The following ATP6V1C2 variants were observed in gnomAD, a reference collection of about 807,000 sequenced individuals.
ATP6V1C2 encodes V-type proton ATPase subunit C 2.
Under a neutral mutation model 56.8 loss-of-function variants are expected in ATP6V1C2, and 45 were observed. That is an observed-to-expected ratio of 0.79 (90% CI 0.62 to 1.02). The LOEUF (loss-of-function observed/expected upper bound fraction) is 1.02. Among genes scored for constraint, ATP6V1C2 ranks in the 50% least tolerant of loss-of-function variants. ATP6V1C2 has a pLI of 0.00. For missense variants in ATP6V1C2, 463 were observed against 519.7 expected (o/e 0.89, Z 1.06); for synonymous variants, 220 against 201.3 (o/e 1.09, Z -0.79).
chr2:10,753,686 A>G (rs1036629271), intron 3 of ATP6V1C2, among the ~76,000 whole-genome samples: 5 of 151,880 alleles, frequency 3.3e-5, no homozygotes, highest in East Asian at 1.9e-4. Context: ...GCCCACCACC[A>G]TGCCTGGCTA....
chr2:10,722,286 C>T lies in ATP6V1C2; in HGVS notation c.-26-538C>T, dbSNP rs569041860. ...GTGGAAAAAAGACTTTAGTAGTTCC[C>T]CTCACCCCCTACTACTTTTTTTTTT... is the stretch of plus-strand genomic sequence containing the variant. On this transcript the variant is annotated intron_variant, in intron 1 of 13. Coordinates refer to ENST00000272238, the MANE Select transcript of ATP6V1C2 (RefSeq NM_001039362.2). 1.6e-4 allele frequency among the ~76,000 whole-genome samples: 25 copies of T among 152,236 alleles called. 1 individual carries two copies. The South Asian group carries it at 5.2e-3, about 32-fold the overall frequency.
intron 3 of ATP6V1C2, among the ~76,000 whole-genome samples, chr2:10,736,604 G>A (rs1304279749): frequency 3.3e-5 from 5 of 151,792 alleles, no homozygotes; most frequent in African/African-American, 7.3e-5. Flanking sequence ...TTTAACTTCT[G>A]CATTTATCAT....
intron 4 of ATP6V1C2, among the ~76,000 whole-genome samples, chr2:10,756,894 C>T (rs1663580052): frequency 6.6e-6 from 1 of 151,098 alleles, no homozygotes; most frequent in South Asian, 2.1e-4. Context: ...GTATCCCTGT[C>T]ATGAAGCAAC....
chr2:10,745,022 C>G (rs2148442657), intron 3 of ATP6V1C2, among the ~76,000 whole-genome samples: 1 of 147,266 alleles, frequency 6.8e-6, no homozygotes, highest in Non-Finnish European at 1.5e-5. Flanking sequence ...TCATTTATTA[C>G]CATTTGTTTA....
chr2:10,729,168 A>G (rs987051266), intron 3 of ATP6V1C2, among the ~76,000 whole-genome samples: 4 of 139,044 alleles, frequency 2.9e-5, no homozygotes, highest in African/African-American at 1.2e-4. Context: ...TAATCATTGG[A>G]AAACTTTTTT....
Position 10,777,611 on chromosome 2 carries a change from G to T in ATP6V1C2, c.852G>T (p.Lys284Asn). 1 of 1,613,904 alleles carries T rather than the reference G, an allele frequency of 6.2e-7. No individual in the cohort carries two copies. Among genetic ancestry groups the T allele is most frequent in the Non-Finnish European group, 8.5e-7 (1 of 1,179,960 alleles). The change falls in exon 11 of 14, where the codon AAG (lysine) becomes AAT (asparagine). Residue 284 changes from lysine (K) to asparagine (N), a missense_variant. By Grantham distance (94) the Lys-to-Asn change is moderately conservative. Transcript: ENST00000272238. ...QYQTSCVALK[K>N]GSSTFPDHKV... ...AAACTTCCTGTGTTGCTCTTAAAAA[G>T]GGATCATCCACCTTCCCGGACCACA... is the stretch of plus-strand genomic sequence containing the variant.
In ATP6V1C2 at chr2:10,783,540, G is replaced by A. The variant is rs1060011; in HGVS notation, c.*277G>A. ...TTGGTAACCTGCTGCTGTATTTCAT[G>A]TCTTAACGGCTATTTTGAGGTTCAT... On this transcript the variant is annotated 3_prime_UTR_variant, in exon 14 of 14. Transcript: ENST00000272238. 0.024 allele frequency: 7,525 copies of A among 318,702 alleles called. 153 individuals carry two copies. Among genetic ancestry groups the A allele is most frequent in the African/African-American group, 0.058 (2,673 of 45,834 alleles). 19.7% of individuals were successfully genotyped at this position (318,702 alleles called of 1,614,324 possible). A position where few individuals can be genotyped will look rare whatever the true frequency, so the allele number is the denominator to read the frequency against.
rs542499630 is a variant in ATP6V1C2 at position 10,739,217 on chromosome 2, A to T, written c.197+12648A>T. 5.1e-3 allele frequency among the ~76,000 whole-genome samples: 775 copies of T among 152,220 alleles called. 7 individuals are homozygous for T. The highest frequency in any genetic ancestry group is 0.017 in the African/African-American group (700 of 41,516). ...AGAATCGCTTGAACCCGGGAGACGG[A>T]GGTTGCGGTGAGCCGAGATCTCGCC... On this transcript the variant is annotated intron_variant, in intron 3 of 13. Transcript: ENST00000272238.
intron 4 of ATP6V1C2, among the ~76,000 whole-genome samples, chr2:10,758,629 A>G (rs1248460340): frequency 6.6e-6 from 1 of 151,602 alleles, no homozygotes; most frequent in Non-Finnish European, 1.5e-5. Flanking sequence ...AAAACACAGC[A>G]TGTGCTATAA....
chr2:10,757,361 A>G lies in ATP6V1C2; in HGVS notation c.283+3295A>G, dbSNP rs192608147. 149 of 398,124 alleles carry G rather than the reference A, an allele frequency of 3.7e-4. 1 individual carries two copies. The highest frequency in any genetic ancestry group is 2.6e-3 in the African/African-American group (124 of 48,568). The allele number at this position is 398,124 out of a possible 1,614,324, so 24.7% of individuals were successfully genotyped here. ...TAAATTGACATATGGAAATGTTCCTACCCCACCTGTGATCTTGGCTTTGTA... is the reference window on the plus strand; with the variant it reads ...TAAATTGACATATGGAAATGTTCCTGCCCCACCTGTGATCTTGGCTTTGTA... On this transcript the variant is annotated intron_variant, in intron 4 of 13. Transcript: ENST00000272238.
At chr2:10,775,684 T>G (rs2148508767) in intron 10 of ATP6V1C2, among the ~76,000 whole-genome samples, 1 of 152,254 alleles carries the variant, frequency 6.6e-6, no homozygotes, top group East Asian at 1.9e-4. Context: ...GTTTGAATTG[T>G]GAGCAGGAGA....
intron 12 of ATP6V1C2, among the ~76,000 whole-genome samples, chr2:10,779,942 C>T (rs529952490): frequency 3.9e-4 from 60 of 152,264 alleles, no homozygotes; most frequent in Middle Eastern, 3.4e-3. Context: ...CTGCGTCCCG[C>T]GTCACGGAGC....
upstream of ATP6V1C2, among the ~76,000 whole-genome samples, chr2:10,721,151 C>A (rs1661336058): frequency 1.3e-5 from 2 of 152,204 alleles, no homozygotes; most frequent in South Asian, 2.1e-4. Flanking sequence ...CGAGCACCTG[C>A]GCACCTGTTG....
chr2:10,756,378 C>T (rs1198888426), intron 4 of ATP6V1C2, among the ~76,000 whole-genome samples: 5 of 144,266 alleles, frequency 3.5e-5, no homozygotes, highest in Non-Finnish European at 7.6e-5. Context: ...CAAAAAACAA[C>T]AATAGATAAT....
At chr2:10,743,428 G>A (rs2148438875) in intron 3 of ATP6V1C2, among the ~76,000 whole-genome samples, 1 of 151,460 alleles carries the variant, frequency 6.6e-6, no homozygotes, top group South Asian at 2.1e-4. Context: ...GAGACTTCTT[G>A]GTGGTCCATT....
chr2:10,775,561 G>A (rs1291422506), intron 10 of ATP6V1C2, among the ~76,000 whole-genome samples: 1 of 152,180 alleles, frequency 6.6e-6, no homozygotes, highest in East Asian at 1.9e-4. Context: ...TTTACCTCCC[G>A]TGTCCTTAGT....
In ATP6V1C2 at chr2:10,772,593, G is replaced by A. The variant is rs72777388; in HGVS notation, c.621G>A (p.Val207=). ...CCTACGAATCTCTCTCAGACATGGT[G>A]GTCCCTCGATCAACCAAGTAAGTGA... ...QKTYESLSDM[V]VPRSTKLITE... Residue 207 remains valine, a synonymous_variant, in exon 8 of 14, where the codon GTG becomes GTA. Coordinates refer to ENST00000272238, the MANE Select transcript of ATP6V1C2 (RefSeq NM_001039362.2). The A allele has an allele frequency of 0.18, 293,368 of 1,612,990 alleles. 28,358 individuals carry two copies. Among genetic ancestry groups the A allele is most frequent in the Non-Finnish European group, 0.2 (237,404 of 1,179,036 alleles).
At chr2:10,781,821 T>TTCTA (rs1474060585) in intron 12 of ATP6V1C2, among the ~76,000 whole-genome samples, 1 of 152,254 alleles carries the variant, frequency 6.6e-6, no homozygotes, top group Non-Finnish European at 1.5e-5. Flanking sequence ...TAAAAATGTT[T>TTCTA]TCTATCTACC....
At chr2:10,746,984 C>G (rs1662950101) in intron 3 of ATP6V1C2, among the ~76,000 whole-genome samples, 1 of 152,150 alleles carries the variant, frequency 6.6e-6, no homozygotes, top group Non-Finnish European at 1.5e-5. Flanking sequence ...GAAAAGAATT[C>G]TCAGCCAGGT....
Sources: allele counts gnomAD v4.1 joint callset (sites outside exome capture counted in the v4.1 genomes callset), GRCh38; gene constraint gnomAD v4.1.1; transcripts MANE v1.5; gene names NCBI Gene and HGNC (gene_info 2026-07-23, HGNC 2026-07-21).